UBASH3B: variants seen among roughly 807,000 people sequenced by gnomAD.
The protein encoded by UBASH3B is ubiquitin associated and SH3 domain containing B, also known as ubiquitin-associated and SH3 domain-containing protein B.
Under a neutral mutation model 83.4 loss-of-function variants are expected in UBASH3B, and 37 were observed. The ratio of observed to expected loss-of-function variants is 0.44; its 90% CI spans 0.34 to 0.58. The LOEUF (loss-of-function observed/expected upper bound fraction) is 0.58. Ranked by LOEUF, UBASH3B falls within the 20% of genes least tolerant of loss-of-function variation. The pLI is 0.01. For synonymous variants in UBASH3B, 304 were observed against 318.3 expected, an observed-to-expected ratio of 0.96 and a Z score of 0.48; for missense variants, 657 against 827.2, an observed-to-expected ratio of 0.79 and a Z score of 2.52.
At chr11:122,785,443 G>A (rs1179113779) in intron 5 of UBASH3B, among the ~76,000 whole-genome samples, 2 of 152,166 alleles carry the variant, frequency 1.3e-5, no homozygotes, top group African/African-American at 4.8e-5. Flanking sequence ...GTTTAGGCAA[G>A]GACACTCTGG....
intron 1 of UBASH3B, among the ~76,000 whole-genome samples, chr11:122,755,934 G>A (rs1197834622): frequency 6.6e-6 from 1 of 152,052 alleles, no homozygotes; most frequent in African/African-American, 2.4e-5. Flanking sequence ...GGAGTCTTTT[G>A]TACCTAAACA....
intron 1 of UBASH3B, among the ~76,000 whole-genome samples, chr11:122,732,706 A>G (rs1860863332): frequency 1.3e-5 from 2 of 152,204 alleles, no homozygotes; most frequent in African/African-American, 2.4e-5. Context: ...ACAACCCTCA[A>G]TTAGATAAAC....
chr11:122,683,623 T>TAATAAG (rs1863772450), intron 1 of UBASH3B, among the ~76,000 whole-genome samples: 1 of 145,534 alleles, frequency 6.9e-6, no homozygotes, highest in Admixed American at 6.9e-5. Context: ...AAAAAAATAA[T>TAATAAG]AATAATAAAA....
chr11:122,713,487 T>C (rs551192555), intron 1 of UBASH3B, among the ~76,000 whole-genome samples: 1 of 152,130 alleles, frequency 6.6e-6, no homozygotes, highest in Non-Finnish European at 1.5e-5. Flanking sequence ...CCTATGGAAA[T>C]AGAAGATATA....
At chr11:122,666,973 G>T (rs1213218001) in intron 1 of UBASH3B, among the ~76,000 whole-genome samples, 1 of 150,436 alleles carries the variant, frequency 6.6e-6, no homozygotes, top group Non-Finnish European at 1.5e-5. Flanking sequence ...CTATGAAGAT[G>T]CACAGTGATC....
intron 1 of UBASH3B, among the ~76,000 whole-genome samples, chr11:122,679,564 A>G (rs1323057913): frequency 6.6e-6 from 1 of 152,206 alleles, no homozygotes; most frequent in Non-Finnish European, 1.5e-5. Context: ...TGGTATGTAC[A>G]CTGAAGTCTG....
rs756956448 is a variant in UBASH3B, at chr11:122,796,281, G to GT, written c.1234+7dup. The GT allele has an allele frequency of 9.3e-6, 15 of 1,613,874 alleles. No individual in the cohort carries two copies. The highest frequency in any genetic ancestry group is 9.3e-6 in the Non-Finnish European group (11 of 1,179,916). On this transcript the variant is annotated splice_donor_region_variant and intron_variant, in intron 8 of 13. Transcript: ENST00000284273. ...CCCAGTGCTTCGATGCCAAAGGTGA[G>GT]TTGGTGGTGGGCCTGCTCAGCACTG...
At chr11:122,707,291 C>G (rs1202322912) in intron 1 of UBASH3B, among the ~76,000 whole-genome samples, 1 of 152,144 alleles carries the variant, frequency 6.6e-6, no homozygotes, top group Non-Finnish European at 1.5e-5. Context: ...AGGCTACAAC[C>G]CTACTCTGCA....
chr11:122,765,903 A>G (rs1313164455), intron 1 of UBASH3B, among the ~76,000 whole-genome samples: 1 of 152,036 alleles, frequency 6.6e-6, no homozygotes, highest in Non-Finnish European at 1.5e-5. Context: ...GCCTGTGGCC[A>G]CTCTGCACAT....
At chr11:122,711,329 C>A (rs1295110333) in intron 1 of UBASH3B, among the ~76,000 whole-genome samples, 1 of 152,024 alleles carries the variant, frequency 6.6e-6, no homozygotes, top group Non-Finnish European at 1.5e-5. Context: ...GTAATCAGAC[C>A]CTATTCCAAA....
At chr11:122,710,104 C>T (rs1261990064) in intron 1 of UBASH3B, among the ~76,000 whole-genome samples, 2 of 144,990 alleles carry the variant, frequency 1.4e-5, no homozygotes, top group African/African-American at 2.6e-5. Context: ...TGCAGTGAGC[C>T]GAGGTCATAC....
At chr11:122,740,331 C>T (rs1465785500) in intron 1 of UBASH3B, among the ~76,000 whole-genome samples, 5 of 152,120 alleles carry the variant, frequency 3.3e-5, no homozygotes, top group Non-Finnish European at 7.3e-5. Context: ...CTGAATCTTC[C>T]CAGGTGAAGA....
chr11:122,806,561 T>A lies in UBASH3B; in HGVS notation c.1702+45T>A. 6.6e-7 allele frequency: 1 copy of A among 1,511,274 alleles called. No individual in the cohort carries two copies. The highest frequency in any genetic ancestry group is 8.8e-7 in the Non-Finnish European group (1 of 1,138,242). The allele number at this position is 1,511,274 out of a possible 1,614,324, so 93.6% of individuals were successfully genotyped here. On this transcript the variant is annotated intron_variant, in intron 12 of 13. Transcript: ENST00000284273. The surrounding 1 kb of genome is among the most constrained non-coding windows in gnomAD (Gnocchi z 4.0). Reference sequence around the variant, plus strand: ...ACTCCATCTGTACATACGTGATTATTTCTCTATAATGGTTAATAGGTTATT... The same window carrying A: ...ACTCCATCTGTACATACGTGATTATATCTCTATAATGGTTAATAGGTTATT...
intron 1 of UBASH3B, among the ~76,000 whole-genome samples, chr11:122,723,008 A>C (rs942584799): frequency 3.3e-5 from 5 of 152,064 alleles, no homozygotes; most frequent in African/African-American, 4.8e-5. Context: ...CCCGGCCCAG[A>C]CCTGGTATTT....
intron 1 of UBASH3B, among the ~76,000 whole-genome samples, chr11:122,755,111 G>A (rs1009666622): frequency 6.6e-6 from 1 of 151,992 alleles, no homozygotes; most frequent in African/African-American, 2.4e-5. Flanking sequence ...CAGACTACAC[G>A]GTTCTCTCTT....
intron 1 of UBASH3B, among the ~76,000 whole-genome samples, chr11:122,720,993 C>T (rs1374425193): frequency 1.3e-5 from 2 of 151,934 alleles, no homozygotes; most frequent in Non-Finnish European, 1.5e-5. Context: ...CGCCTGTAAT[C>T]CCAGCACTTT....
chr11:122,793,158 A>C (rs908960888), intron 6 of UBASH3B, among the ~76,000 whole-genome samples: 1 of 152,180 alleles, frequency 6.6e-6, no homozygotes, highest in African/African-American at 2.4e-5. Flanking sequence ...CCAAGCAGGC[A>C]GATCACCTGA....
At chr11:122,739,568 C>G (rs993919925) in intron 1 of UBASH3B, among the ~76,000 whole-genome samples, 1 of 152,130 alleles carries the variant, frequency 6.6e-6, no homozygotes, top group Non-Finnish European at 1.5e-5. Context: ...TATCCATGGT[C>G]GGGTATTGGA....
At chr11:122,672,068 A>G (rs1455863286) in intron 1 of UBASH3B, among the ~76,000 whole-genome samples, 2 of 152,056 alleles carry the variant, frequency 1.3e-5, no homozygotes, top group Non-Finnish European at 2.9e-5. Flanking sequence ...ATGTTGAGGC[A>G]GGACAGAACC....
Sources: gnomAD v4.1 joint callset for allele counts (sites outside exome capture counted in the v4.1 genomes callset) on GRCh38, gnomAD v4.1.1 for gene constraint, Gnocchi (gnomAD v3.1) non-coding constraint, MANE v1.5 for transcripts, NCBI Gene and HGNC (gene_info 2026-07-23, HGNC 2026-07-21) for gene names.